PTPRD: variants seen among roughly 807,000 people sequenced by gnomAD.
PTPRD encodes the protein protein tyrosine phosphatase receptor type D, also known as receptor-type tyrosine-protein phosphatase delta.
Under a neutral mutation model 214.5 loss-of-function variants are expected in PTPRD, and 34 were observed. That is an observed-to-expected ratio of 0.16 (90% CI 0.12 to 0.21). The LOEUF (loss-of-function observed/expected upper bound fraction) is 0.21, where lower values mean the gene tolerates loss of function less well. Ranked by LOEUF, PTPRD falls within the 10% of genes least tolerant of loss-of-function variation. The probability of loss-of-function intolerance (pLI) is 1.00; values close to 1 mark genes in which losing one functional copy is unlikely to be tolerated. For missense variants in PTPRD, 2,545 were observed against 2,398.7 expected (o/e 1.06, Z -1.27); for synonymous variants, 1,128 against 845.7 (o/e 1.33, Z -5.79).
intron 11 of PTPRD, among the ~76,000 whole-genome samples, chr9:8,952,175 T>A (rs1361807936): frequency 1.3e-5 from 2 of 152,038 alleles, no homozygotes; most frequent in African/African-American, 4.8e-5. Context: ...TTTGTTTTGC[T>A]TACTTTTTTG....
chr9:10,041,006 G>A (rs1007402011), intron 3 of PTPRD, among the ~76,000 whole-genome samples: 2 of 151,902 alleles, frequency 1.3e-5, no homozygotes, highest in East Asian at 1.9e-4. Flanking sequence ...ATTTTTAAAT[G>A]TTTTTCATTT....
At chr9:9,139,016 G>C (rs1249246239) in intron 10 of PTPRD, among the ~76,000 whole-genome samples, 2 of 151,888 alleles carry the variant, frequency 1.3e-5, no homozygotes, top group Admixed American at 6.6e-5. Flanking sequence ...AAAACATATA[G>C]ACACTAAATA....
chr9:9,011,298 C>A (rs1159949147), intron 11 of PTPRD, among the ~76,000 whole-genome samples: 2 of 152,094 alleles, frequency 1.3e-5, no homozygotes, highest in Non-Finnish European at 2.9e-5. Context: ...ATTCTCACAT[C>A]CTGGAAGACT....
intron 4 of PTPRD, among the ~76,000 whole-genome samples, chr9:9,973,563 C>CT (rs2095234645): frequency 6.6e-6 from 1 of 152,070 alleles, no homozygotes; most frequent in Non-Finnish European, 1.5e-5. Flanking sequence ...TCCTCACTCA[C>CT]TTTAGCATTC....
intron 14 of PTPRD, among the ~76,000 whole-genome samples, chr9:8,560,814 C>G (rs567358676): frequency 6.6e-6 from 1 of 152,232 alleles, no homozygotes; most frequent in South Asian, 2.1e-4. Flanking sequence ...GAAATCTCTA[C>G]TGGCAAATGG....
chr9:10,180,639 C>T (rs1031369596), intron 3 of PTPRD, among the ~76,000 whole-genome samples: 7 of 145,084 alleles, frequency 4.8e-5, no homozygotes, highest in African/African-American at 1.0e-4. Context: ...GGCTAATTTA[C>T]TTTATGAACT....
intron 9 of PTPRD, among the ~76,000 whole-genome samples, chr9:9,220,628 A>T (rs555013042): frequency 1.3e-5 from 2 of 152,194 alleles, no homozygotes; most frequent in East Asian, 3.9e-4. Flanking sequence ...ATTAGTATCC[A>T]TTCATTTGCA....
chr9:9,078,871 C>T (rs1377425213), intron 10 of PTPRD, among the ~76,000 whole-genome samples: 27 of 151,806 alleles, frequency 1.8e-4, no homozygotes, highest in Admixed American at 1.8e-3. Flanking sequence ...TTATAAAGTA[C>T]AATAGTTTCA....
At chr9:10,038,246 C>T (rs1485630453) in intron 3 of PTPRD, among the ~76,000 whole-genome samples, 1 of 152,086 alleles carries the variant, frequency 6.6e-6, no homozygotes, top group Non-Finnish European at 1.5e-5. Context: ...TCATCTTTAA[C>T]ATTTTGCCCT....
intron 2 of PTPRD, among the ~76,000 whole-genome samples, chr9:10,542,783 A>G (rs1014674740): frequency 2.0e-5 from 3 of 152,064 alleles, no homozygotes; most frequent in South Asian, 2.1e-4. Flanking sequence ...CAATGGTGTG[A>G]TCTTGGCTCA....
At chr9:10,369,988 C>A (rs1192440867) in intron 2 of PTPRD, among the ~76,000 whole-genome samples, 2 of 152,044 alleles carry the variant, frequency 1.3e-5, no homozygotes, top group African/African-American at 2.4e-5. Flanking sequence ...TTTCATCAAA[C>A]TGTCATAGCC....
chr9:9,401,126 C>T (rs1444116129), intron 8 of PTPRD, among the ~76,000 whole-genome samples: 1 of 151,928 alleles, frequency 6.6e-6, no homozygotes, highest in African/African-American at 2.4e-5. Flanking sequence ...ACTTGTAGAA[C>T]CAATTATAGA....
At chr9:8,801,321 T>C (rs2096566295) in intron 11 of PTPRD, among the ~76,000 whole-genome samples, 1 of 152,238 alleles carries the variant, frequency 6.6e-6, no homozygotes, top group Non-Finnish European at 1.5e-5. Flanking sequence ...CTGATGGAAT[T>C]AAAAATGGAG....
At chr9:10,483,961 A>G (rs1277416026) in intron 2 of PTPRD, among the ~76,000 whole-genome samples, 1 of 152,150 alleles carries the variant, frequency 6.6e-6, no homozygotes, top group African/African-American at 2.4e-5. Context: ...TCATATCAAA[A>G]AACATTCAAA....
chr9:10,382,323 T>C (rs184286556), intron 2 of PTPRD, among the ~76,000 whole-genome samples: 1 of 152,080 alleles, frequency 6.6e-6, no homozygotes, highest in African/African-American at 2.4e-5. Flanking sequence ...CATATCAGTC[T>C]AGCTTATTGA....
Position 8,786,504 on chromosome 9 carries a change from G to A in PTPRD, c.-103-52558C>T, listed in dbSNP as rs987749762. ...AGCTCAACTGCAACCTTCGCTTCCCGGGTTCAAAAGATCTGTTCTCCCACC... is the reference window on the plus strand; with the variant it reads ...AGCTCAACTGCAACCTTCGCTTCCCAGGTTCAAAAGATCTGTTCTCCCACC... On this transcript the variant is annotated intron_variant, in intron 11 of 45. Coordinates refer to ENST00000381196, the MANE Select transcript of PTPRD (RefSeq NM_002839.4). 6.1e-5 allele frequency among the ~76,000 whole-genome samples: 9 copies of A among 148,208 alleles called. No homozygotes were observed. The East Asian group carries it at 1.2e-3, about 20-fold the overall frequency.
In PTPRD at chr9:10,531,221, A is replaced by T. The variant is rs146705596; in HGVS notation, c.-600+81177T>A. Among the ~76,000 whole-genome samples, 8 of 152,274 alleles carry T rather than the reference A, an allele frequency of 5.3e-5. No homozygotes were observed. In the East Asian group the frequency reaches 1.4e-3, roughly 26 times the overall value. On this transcript the variant is annotated intron_variant, in intron 2 of 45. Transcript: ENST00000381196. ...CTCCTCAGTCTCCCAAATGGCTGGG[A>T]TTGCAGGCATGAGCCACTATGCCCG...
At chr9:10,404,239 G>A (rs1046782290) in intron 2 of PTPRD, among the ~76,000 whole-genome samples, 2 of 151,684 alleles carry the variant, frequency 1.3e-5, no homozygotes, top group South Asian at 4.2e-4. Flanking sequence ...AACCAGGGGT[G>A]GTGGAAGGTG....
At chr9:10,390,319 T>C (rs1424264872) in intron 2 of PTPRD, among the ~76,000 whole-genome samples, 1 of 151,790 alleles carries the variant, frequency 6.6e-6, no homozygotes, top group Non-Finnish European at 1.5e-5. Flanking sequence ...TTATAATCAA[T>C]ACACCACAGA....
Sources: gnomAD v4.1 joint callset for allele counts (sites outside exome capture counted in the v4.1 genomes callset) on GRCh38, gnomAD v4.1.1 for gene constraint, MANE v1.5 for transcripts, NCBI Gene and HGNC (gene_info 2026-07-23, HGNC 2026-07-21) for gene names.